Variants in RELN observed in about 807,000 individuals in gnomAD.
RELN encodes the protein reelin.
In RELN, 108 loss-of-function variants were observed where a neutral mutation model predicts 427.6. That is an observed-to-expected ratio of 0.25 (90% confidence interval 0.22 to 0.30). The LOEUF is 0.30. Ranked by LOEUF, RELN falls within the 10% of genes least tolerant of loss-of-function variation. The pLI is 1.00. For missense variants in RELN, 3,715 were observed against 4,302.8 expected (o/e 0.86, Z 3.82); for synonymous variants, 1,524 against 1,513.4 (o/e 1.01, Z -0.16).
In RELN at chr7:103,833,523, C is replaced by A; in HGVS notation, c.473+14G>T. The A allele has an allele frequency of 1.2e-6, 2 of 1,612,970 alleles. No individual in the cohort carries two copies. Among genetic ancestry groups the A allele is most frequent in the Non-Finnish European group, 1.7e-6 (2 of 1,178,988 alleles). ...TTGCCTTCTGTACGTATGGCAGACACTTTGGGTACTTACATGAAATTCACA... is the reference window on the plus strand; with the variant it reads ...TTGCCTTCTGTACGTATGGCAGACAATTTGGGTACTTACATGAAATTCACA... On this transcript the variant is annotated intron_variant, in intron 3 of 64. Transcript: ENST00000428762.
intron 7 of RELN, 133 bp downstream of exon 7, chr7:103,727,978 G>C: frequency 5.0e-6 from 4 of 804,686 alleles, no homozygotes; most frequent in Non-Finnish European, 8.3e-6. Flanking sequence ...CCAATTTTAA[G>C]ATATTTGTAA....
chr7:103,493,714 C>T (rs4470957), intron 57 of RELN, among the ~76,000 whole-genome samples: 9,674 of 151,882 alleles, frequency 0.064, 317 homozygotes, highest in South Asian at 0.11. Context: ...AGAAGGAGAA[C>T]GAGCAGAGAA....
chr7:103,604,271 T>A (rs528125975), intron 23 of RELN, 75 bp downstream of exon 23: 1 of 1,564,698 alleles, frequency 6.4e-7, no homozygotes, highest in South Asian at 1.1e-5. Context: ...GTCACTCTGA[T>A]GACAACTGCT....
intron 3 of RELN, among the ~76,000 whole-genome samples, chr7:103,788,257 C>T (rs1375478700): frequency 6.6e-6 from 1 of 152,160 alleles, no homozygotes; most frequent in Non-Finnish European, 1.5e-5. Context: ...AAACTGGAAG[C>T]ATTCCCTTTG....
Position 103,545,102 on chromosome 7 carries a change from A to G in RELN, c.6523+22T>C, listed in dbSNP as rs762758846. The G allele has an allele frequency of 2.5e-6, 4 of 1,590,872 alleles. 1 individual carries two copies. The highest frequency in any genetic ancestry group is 1.7e-5 in the Admixed American group (1 of 59,982). ...TATAAGTTCTTTCACAAGACTACAT[A>G]GAATTTGTAAGAAAAGACTACCTTC... On this transcript the variant is annotated intron_variant, in intron 42 of 64. Transcript: ENST00000428762.
intron 10 of RELN, among the ~76,000 whole-genome samples, chr7:103,694,504 G>GAT (rs71154363): frequency 2.4e-4 from 36 of 148,346 alleles, no homozygotes; most frequent in African/African-American, 8.9e-4. Context: ...TGATGATGAT[G>GAT]GCGACGACGA....
In RELN at chr7:103,640,450, G is replaced by C. The variant is rs549604497; in HGVS notation, c.2069+93C>G. 15 of 1,269,834 alleles carry C rather than the reference G, an allele frequency of 1.2e-5. No homozygotes were observed. The East Asian group carries it at 3.0e-4, about 26-fold the overall frequency. 78.7% of individuals were successfully genotyped at this position (1,269,834 alleles called of 1,614,324 possible). The stretch of plus-strand genomic sequence containing the variant: ...AACTTTTTGTCTTAAAAAGATCCCC[G>C]ATCCTAAAAAAGGTTATTAAATGAC... On this transcript the variant is annotated intron_variant, in intron 17 of 64. Transcript: ENST00000428762. The surrounding 1 kb of genome is among the most constrained non-coding windows in gnomAD (Gnocchi z 4.1).
chr7:103,566,105 AC>A, intron 33 of RELN, 118 bp downstream of exon 33: 1 of 869,210 alleles, frequency 1.2e-6, no homozygotes, highest in African/African-American at 1.7e-5. Context: ...ACTGAGAGCC[AC>A]CCTCAGCATG....
chr7:103,911,317 C>T (rs1795360336), intron 2 of RELN, among the ~76,000 whole-genome samples: 1 of 150,658 alleles, frequency 6.6e-6, no homozygotes, highest in South Asian at 2.1e-4. Context: ...CCATCTCACA[C>T]CAGTGAGAAT....
At chr7:103,856,640 A>C in intron 2 of RELN, among the ~76,000 whole-genome samples, 1 of 151,934 alleles carries the variant, frequency 6.6e-6, no homozygotes, top group African/African-American at 2.4e-5. Flanking sequence ...CTAGAAAAAA[A>C]TTCTAGCTTT....
chr7:103,838,878 A>G (rs573028394), intron 2 of RELN, among the ~76,000 whole-genome samples: 1 of 152,346 alleles, frequency 6.6e-6, no homozygotes, highest in African/African-American at 2.4e-5. Flanking sequence ...TTGGGTGAAT[A>G]TGCCATAGAA....
chr7:103,638,762 A>G (rs1832636411), intron 17 of RELN, among the ~76,000 whole-genome samples: 1 of 152,202 alleles, frequency 6.6e-6, no homozygotes, highest in Non-Finnish European at 1.5e-5. Context: ...ACTATTCGGA[A>G]TAATGGATGG....
chr7:103,913,340 A>G (rs1341410094), intron 2 of RELN, among the ~76,000 whole-genome samples: 1 of 152,200 alleles, frequency 6.6e-6, no homozygotes, highest in Admixed American at 6.5e-5. Flanking sequence ...GACTTACTAA[A>G]TGCTTTACTC....
At chr7:103,762,424 T>C (rs889722133) in intron 4 of RELN, among the ~76,000 whole-genome samples, 8 of 152,196 alleles carry the variant, frequency 5.3e-5, no homozygotes, top group Non-Finnish European at 8.8e-5. Context: ...CTAACTACAA[T>C]AGTTAATTTC....
chr7:103,483,672 C>T lies in RELN; in HGVS notation c.10162G>A (p.Val3388Met). 6.2e-7 allele frequency: 1 copy of T among 1,614,180 alleles called. No individual in the cohort carries two copies. Among genetic ancestry groups the T allele is most frequent in the Non-Finnish European group, 8.5e-7 (1 of 1,180,022 alleles). The change falls in exon 62 of 65, where the codon GTG becomes ATG. Residue 3388 changes from valine (V) to methionine (M), a missense_variant. Coordinates refer to ENST00000428762, the MANE Select transcript of RELN (RefSeq NM_005045.4). The stretch of plus-strand genomic sequence containing the variant: ...ACTTACAGGGGGACATTGTAAGACA[C>T]TCTCTGAGCTTGTGTGAAGTCCTTT... ...QPKDFTQAQR[V>M]SYNVPLEARM...
chr7:103,978,468 C>A (rs769757177), intron 1 of RELN, among the ~76,000 whole-genome samples: 78 of 152,282 alleles, frequency 5.1e-4, no homozygotes, highest in Non-Finnish European at 9.7e-4. Context: ...GAAGCACACA[C>A]CTCGTTCAGT....
intron 19 of RELN, among the ~76,000 whole-genome samples, chr7:103,630,688 A>G (rs1420448485): frequency 6.6e-6 from 1 of 152,148 alleles, no homozygotes; most frequent in East Asian, 1.9e-4. Context: ...AATGACACCT[A>G]CTTGAAAGCT....
intron 8 of RELN, among the ~76,000 whole-genome samples, chr7:103,719,029 G>A (rs1384273303): frequency 6.6e-6 from 1 of 152,136 alleles, no homozygotes; most frequent in African/African-American, 2.4e-5. Flanking sequence ...TTGCTCAAGA[G>A]AGAAAGAGGT....
chr7:103,965,821 C>T (rs1015229100), intron 1 of RELN, among the ~76,000 whole-genome samples: 1 of 152,048 alleles, frequency 6.6e-6, no homozygotes, highest in Non-Finnish European at 1.5e-5. Context: ...TTTTATACCC[C>T]AAAATTAAAA....
Sources: gnomAD v4.1 joint callset for allele counts (sites outside exome capture counted in the v4.1 genomes callset) on GRCh38, gnomAD v4.1.1 for gene constraint, Gnocchi (gnomAD v3.1) non-coding constraint, MANE v1.5 for transcripts, NCBI Gene and HGNC (gene_info 2026-07-23, HGNC 2026-07-21) for gene names.